The following ZNF385D variants were observed in gnomAD, a reference collection of about 807,000 sequenced individuals.
The protein encoded by ZNF385D is zinc finger protein 385D.
In ZNF385D, 15 loss-of-function variants were observed where a neutral mutation model predicts 35.8. The observed-to-expected ratio is 0.42, with a 90% CI of 0.28 to 0.64. The LOEUF (loss-of-function observed/expected upper bound fraction) is 0.64, where lower values mean the gene tolerates loss of function less well. Among genes scored for constraint, ZNF385D ranks in the 30% least tolerant of loss-of-function variants. The pLI is 0.23. For synonymous variants in ZNF385D, 212 were observed against 186.8 expected, an observed-to-expected ratio of 1.13 and a Z score of -1.10; for missense variants, 474 against 494.6, an observed-to-expected ratio of 0.96 and a Z score of 0.39.
chr3:21,665,428 G>A (rs1381740234), intron 1 of ZNF385D, among the ~76,000 whole-genome samples: 7 of 152,142 alleles, frequency 4.6e-5, no homozygotes, highest in African/African-American at 9.7e-5. Context: ...CATTAAGTCT[G>A]AGTGATTATT....
intron 4 of ZNF385D, among the ~76,000 whole-genome samples, chr3:21,508,101 T>C (rs1273628891): frequency 6.6e-6 from 1 of 152,186 alleles, no homozygotes; most frequent in East Asian, 1.9e-4. Context: ...TTCCTTCTTT[T>C]GGCTTTAGAA....
chr3:21,623,197 A>G (rs2065052550), intron 2 of ZNF385D, among the ~76,000 whole-genome samples: 1 of 152,112 alleles, frequency 6.6e-6, no homozygotes, highest in Non-Finnish European at 1.5e-5. Context: ...ATCCAAAGAG[A>G]TAATGTAGTT....
At chr3:21,471,641 CCCT>C (rs776375542) in intron 4 of ZNF385D, among the ~76,000 whole-genome samples, 20 of 152,060 alleles carry the variant, frequency 1.3e-4, no homozygotes, top group Admixed American at 3.9e-4. Flanking sequence ...CACTTCTCAC[CCCT>C]CGAGTTAAAC....
At chr3:21,879,571 G>A (rs980098923) in intron 3 of ZNF385D, among the ~76,000 whole-genome samples, 1 of 151,890 alleles carries the variant, frequency 6.6e-6, no homozygotes, top group African/African-American at 2.4e-5. Context: ...TATTACTATA[G>A]GTATGAAGTC....
intron 2 of ZNF385D, among the ~76,000 whole-genome samples, chr3:22,243,314 A>G (rs985656804): frequency 4.6e-5 from 7 of 151,170 alleles, no homozygotes; most frequent in Non-Finnish European, 8.8e-5. Context: ...AGTCAGTACT[A>G]TATCAAAATA....
intron 4 of ZNF385D, among the ~76,000 whole-genome samples, chr3:21,462,531 A>T (rs1703240160): frequency 6.6e-6 from 1 of 152,242 alleles, no homozygotes; most frequent in East Asian, 1.9e-4. Context: ...TATGTTGAGA[A>T]TAATGGTAGA....
intron 2 of ZNF385D, among the ~76,000 whole-genome samples, chr3:22,208,699 C>T (rs1033561806): frequency 4.3e-5 from 6 of 139,200 alleles, no homozygotes; most frequent in Non-Finnish European, 7.6e-5. Flanking sequence ...CTATTATGTA[C>T]CCACAAAAAG....
intron 3 of ZNF385D, among the ~76,000 whole-genome samples, chr3:21,975,682 T>G (rs1703551027): frequency 6.8e-6 from 1 of 146,984 alleles, no homozygotes; most frequent in Non-Finnish European, 1.5e-5. Context: ...CAAAAATATA[T>G]ACCTATTATG....
Position 21,922,253 on chromosome 3 carries a change from C to A in ZNF385D, c.325+246564G>T, listed in dbSNP as rs564469497. Reference sequence around the variant, plus strand: ...TTCACTGCTATTCCTATCAAGCTACCAACACCATTTTTCACAGAATTAGAA... The same window carrying A: ...TTCACTGCTATTCCTATCAAGCTACAAACACCATTTTTCACAGAATTAGAA... On this transcript the variant is annotated intron_variant, in intron 3 of 5. Transcript: ENST00000494108. 2.0e-5 allele frequency among the ~76,000 whole-genome samples: 3 copies of A among 150,034 alleles called. No individual in the cohort carries two copies. The Admixed American group carries it at 2.0e-4, about 10-fold the overall frequency.
chr3:22,087,431 G>GA (rs1272409481), intron 3 of ZNF385D, among the ~76,000 whole-genome samples: 2 of 152,116 alleles, frequency 1.3e-5, no homozygotes, highest in East Asian at 3.9e-4. Flanking sequence ...GGGAGTATAT[G>GA]AAAATGAGGT....
At chr3:22,227,841 T>C (rs1157960234) in intron 2 of ZNF385D, among the ~76,000 whole-genome samples, 1 of 152,190 alleles carries the variant, frequency 6.6e-6, no homozygotes, top group Non-Finnish European at 1.5e-5. Context: ...TAAATATGAC[T>C]GCAGAACTAC....
At chr3:22,039,773 A>G (rs1467615061) in intron 3 of ZNF385D, among the ~76,000 whole-genome samples, 1 of 152,140 alleles carries the variant, frequency 6.6e-6, no homozygotes, top group Non-Finnish European at 1.5e-5. Context: ...TTATTAGGGT[A>G]CATCGTTTTA....
At chr3:22,328,156 G>A (rs1694764064) in intron 2 of ZNF385D, among the ~76,000 whole-genome samples, 1 of 151,726 alleles carries the variant, frequency 6.6e-6, no homozygotes, top group African/African-American at 2.4e-5. Context: ...TGCTCCATTT[G>A]CACTTTTTTT....
intron 3 of ZNF385D, among the ~76,000 whole-genome samples, chr3:22,022,574 C>T (rs1484576076): frequency 6.6e-6 from 1 of 152,066 alleles, no homozygotes; most frequent in Non-Finnish European, 1.5e-5. Context: ...ATCATAAATT[C>T]CTGTTTGGCA....
chr3:22,098,135 C>A (rs1701729319), intron 3 of ZNF385D, among the ~76,000 whole-genome samples: 1 of 152,030 alleles, frequency 6.6e-6, no homozygotes, highest in Non-Finnish European at 1.5e-5. Context: ...ATAGAATTTT[C>A]TCCTAGCTTT....
intron 4 of ZNF385D, among the ~76,000 whole-genome samples, chr3:21,483,918 C>A (rs1010080725): frequency 2.0e-5 from 3 of 151,256 alleles, no homozygotes; most frequent in African/African-American, 7.3e-5. Context: ...TCCAATTTAT[C>A]TTTTTTTTTC....
At position 22,049,931 on chromosome 3, in the gene ZNF385D, T is replaced by C. The variant is rs1236673302; in HGVS notation, c.325+118886A>G. ...TTTGTTGAGGAATTTTGCATCTATG[T>C]TTATCAGGAATAATGGCCATAGTTT... On this transcript the variant is annotated intron_variant, in intron 3 of 5. Coordinates refer to the ZNF385D transcript ENST00000494108. Among the ~76,000 whole-genome samples the C allele has an allele frequency of 5.3e-5, 8 of 152,192 alleles. No homozygotes were observed. The East Asian group carries it at 1.5e-3, about 29-fold the overall frequency.
chr3:22,038,718 T>C (rs711690), intron 3 of ZNF385D, among the ~76,000 whole-genome samples: 99,994 of 151,696 alleles, frequency 0.66, 33,103 homozygotes, highest in Middle Eastern at 0.79. Context: ...GCATCAAGAA[T>C]TTTAGATCTT....
chr3:22,295,839 C>A (rs550308327), intron 2 of ZNF385D, among the ~76,000 whole-genome samples: 2 of 152,242 alleles, frequency 1.3e-5, no homozygotes, highest in Middle Eastern at 3.4e-3. Context: ...AAAGCTACCA[C>A]CCCTGCCTCA....
Sources: gnomAD v4.1 joint callset for allele counts (sites outside exome capture counted in the v4.1 genomes callset) on GRCh38, gnomAD v4.1.1 for gene constraint, MANE v1.5 for transcripts, NCBI Gene and HGNC (gene_info 2026-07-23, HGNC 2026-07-21) for gene names.